MSR1: variants seen among roughly 807,000 people sequenced by gnomAD.
MSR1 encodes macrophage scavenger receptor 1, also known as macrophage scavenger receptor types I and II.
In MSR1, 53 loss-of-function variants were observed where a neutral mutation model predicts 47.2. The ratio of observed to expected loss-of-function variants is 1.12; its 90% CI spans 0.90 to 1.41. The LOEUF (loss-of-function observed/expected upper bound fraction) is 1.41, where lower values mean the gene tolerates loss of function less well. MSR1 is among the 40% of genes most tolerant of loss of function. The probability of loss-of-function intolerance (pLI) is 0.00; values close to 1 mark genes in which losing one functional copy is unlikely to be tolerated. For missense variants in MSR1, 786 were observed against 546.9 expected, an observed-to-expected ratio of 1.44 and a Z score of -4.36; for synonymous variants, 239 against 185.6, an observed-to-expected ratio of 1.29 and a Z score of -2.34.
chr8:16,191,079 ATCC>A (rs1385668548), intron 1 of MSR1, among the ~76,000 whole-genome samples: 2 of 152,208 alleles, frequency 1.3e-5, no homozygotes, highest in Non-Finnish European at 2.9e-5. Context: ...TAAGCTTGTG[ATCC>A]TCCTTATTAT....
chr8:16,169,686 C>G (rs1531652), intron 3 of MSR1, among the ~76,000 whole-genome samples: 1 of 151,566 alleles, frequency 6.6e-6, no homozygotes, highest in African/African-American at 2.4e-5. Flanking sequence ...CTGGAAACAA[C>G]TTTTTAATGT....
intron 1 of MSR1, among the ~76,000 whole-genome samples, chr8:16,190,818 T>C (rs1802178942): frequency 6.6e-6 from 1 of 151,470 alleles, no homozygotes. Context: ...GCCTCCTGGG[T>C]TCATGTGATT....
intron 8 of MSR1, among the ~76,000 whole-genome samples, chr8:16,142,157 C>T (rs146902978): frequency 2.6e-5 from 4 of 152,056 alleles, no homozygotes; most frequent in East Asian, 3.9e-4. Flanking sequence ...GGTGAAACCC[C>T]GTATCTACTA....
chr8:16,133,991 AT>A (rs1800325253), intron 8 of MSR1, among the ~76,000 whole-genome samples: 1 of 152,054 alleles, frequency 6.6e-6, no homozygotes, highest in East Asian at 1.9e-4. Context: ...AACAAGATGT[AT>A]TTTTTTCCTC....
At chr8:16,189,373 TTA>T (rs1183456693) in intron 1 of MSR1, among the ~76,000 whole-genome samples, 9 of 96,248 alleles carry the variant, frequency 9.4e-5, no homozygotes, top group African/African-American at 4.4e-4. Flanking sequence ...TATATATATT[TTA>T]TATATATAAA....
intron 8 of MSR1, among the ~76,000 whole-genome samples, chr8:16,132,658 T>C (rs1003585819): frequency 3.9e-5 from 6 of 152,176 alleles, no homozygotes; most frequent in Middle Eastern, 3.4e-3. Flanking sequence ...GGCTGATTTT[T>C]GTATTTTTAG....
At chr8:16,189,820 A>G (rs1203360904) in intron 1 of MSR1, among the ~76,000 whole-genome samples, 4 of 140,232 alleles carry the variant, frequency 2.9e-5, no homozygotes, top group African/African-American at 1.1e-4. Flanking sequence ...AAATACAGCC[A>G]TTTTTCTAAA....
chr8:16,117,777 G>C (rs1388053946), intron 9 of MSR1, among the ~76,000 whole-genome samples: 2 of 151,978 alleles, frequency 1.3e-5, no homozygotes, highest in African/African-American at 4.8e-5. Context: ...CCCCAGATGG[G>C]ACCGTCTAGT....
At chr8:16,166,171 T>C (rs969543370) in intron 4 of MSR1, among the ~76,000 whole-genome samples, 5 of 138,652 alleles carry the variant, frequency 3.6e-5, no homozygotes, top group Non-Finnish European at 6.2e-5. Flanking sequence ...TTTCTTTTTT[T>C]TTTTTTTTTT....
intron 7 of MSR1, among the ~76,000 whole-genome samples, chr8:16,149,971 G>T (rs1027404307): frequency 6.6e-6 from 1 of 151,352 alleles, no homozygotes; most frequent in African/African-American, 2.4e-5. Context: ...ACTTTCCTCG[G>T]GTGAACAGAA....
intron 1 of MSR1, among the ~76,000 whole-genome samples, chr8:16,191,624 A>C (rs1802202102): frequency 6.6e-6 from 1 of 152,176 alleles, no homozygotes; most frequent in East Asian, 1.9e-4. Context: ...GAAATGTGTA[A>C]GTAACTAGTC....
chr8:16,147,222 C>T (rs1028226381), intron 7 of MSR1, among the ~76,000 whole-genome samples: 1 of 152,146 alleles, frequency 6.6e-6, no homozygotes, highest in African/African-American at 2.4e-5. Context: ...CTCTATAGAT[C>T]TGCTATGCAT....
intron 8 of MSR1, among the ~76,000 whole-genome samples, chr8:16,127,644 A>G (rs1800159376): frequency 6.8e-6 from 1 of 147,586 alleles, no homozygotes; most frequent in South Asian, 2.2e-4. Flanking sequence ...AGATGTTAAG[A>G]TAATGCCACA....
chr8:16,190,878 C>T (rs989225700), intron 1 of MSR1, among the ~76,000 whole-genome samples: 11 of 151,960 alleles, frequency 7.2e-5, no homozygotes, highest in African/African-American at 2.2e-4. Flanking sequence ...TGCACCACCA[C>T]GCCCGGCTAA....
At chr8:16,142,123 G>A (rs938784216) in intron 8 of MSR1, among the ~76,000 whole-genome samples, 3 of 151,962 alleles carry the variant, frequency 2.0e-5, no homozygotes, top group East Asian at 1.9e-4. Context: ...GAGGTCAGGG[G>A]ATCGAGACCA....
At position 16,175,226 on chromosome 8, in the gene MSR1, C is replaced by T. The variant is rs766940611; in HGVS notation, c.178G>A (p.Val60Met). The change falls in exon 3 of 10, where the codon GTG (valine) becomes ATG (methionine). Residue 60 changes from valine (V) to methionine (M), a missense_variant. Coordinates refer to ENST00000262101, the MANE Select transcript of MSR1 (RefSeq NM_138715.3). ...ATGAGAGGGATGAGAACTGCAAACACGAGGAGGTAAAGGGCAATCAGTGCA... is the reference window on the plus strand; with the variant it reads ...ATGAGAGGGATGAGAACTGCAAACATGAGGAGGTAAAGGGCAATCAGTGCA... ...KAALIALYLL[V>M]FAVLIPLIGI... is the part of the protein sequence containing the mutation. The T allele has an allele frequency of 1.1e-5, 18 of 1,613,824 alleles. No homozygotes were observed. Among genetic ancestry groups the T allele is most frequent in the African/African-American group, 2.7e-5 (2 of 74,844 alleles).
At chr8:16,138,486 C>G (rs1221981574) in intron 8 of MSR1, among the ~76,000 whole-genome samples, 4 of 152,156 alleles carry the variant, frequency 2.6e-5, no homozygotes, top group Non-Finnish European at 5.9e-5. Context: ...CATTTTTTGT[C>G]TAAAGAGAGA....
intron 3 of MSR1, among the ~76,000 whole-genome samples, chr8:16,169,587 C>T (rs994105174): frequency 6.6e-6 from 1 of 152,112 alleles, no homozygotes; most frequent in Non-Finnish European, 1.5e-5. Flanking sequence ...CCATGAATCT[C>T]ACCATCCTAG....
At chr8:16,121,770 A>G (rs1800010871) in intron 8 of MSR1, among the ~76,000 whole-genome samples, 1 of 151,888 alleles carries the variant, frequency 6.6e-6, no homozygotes. Context: ...CATAACAAAA[A>G]TATCTCTCTA....
Sources: gnomAD v4.1 joint callset for allele counts (sites outside exome capture counted in the v4.1 genomes callset) on GRCh38, gnomAD v4.1.1 for gene constraint, MANE v1.5 for transcripts, NCBI Gene and HGNC (gene_info 2026-07-23, HGNC 2026-07-21) for gene names.